Variants in PPP3CA observed in about 807,000 individuals in gnomAD.
PPP3CA encodes the protein protein phosphatase 3 catalytic subunit alpha.
Under a neutral mutation model 66.5 loss-of-function variants are expected in PPP3CA, and 14 were observed. The ratio of observed to expected loss-of-function variants is 0.21; its 90% CI spans 0.14 to 0.33. PPP3CA has a LOEUF of 0.33. Ranked by LOEUF, PPP3CA falls within the 10% of genes least tolerant of loss-of-function variation. PPP3CA has a pLI of 1.00. For missense variants in PPP3CA, 317 were observed against 639.5 expected (o/e 0.50, Z 5.44); for synonymous variants, 232 against 226.2 (o/e 1.03, Z -0.23).
chr4:101,132,733 T>A (rs192387941), intron 2 of PPP3CA, among the ~76,000 whole-genome samples: 1 of 152,100 alleles, frequency 6.6e-6, no homozygotes, highest in African/African-American at 2.4e-5. Flanking sequence ...GAGGGACTCC[T>A]CCCTATCTCA....
intron 3 of PPP3CA, among the ~76,000 whole-genome samples, chr4:101,103,595 T>C (rs1730539075): frequency 6.6e-6 from 1 of 152,232 alleles, no homozygotes; most frequent in Non-Finnish European, 1.5e-5. Flanking sequence ...CATTGTCTGG[T>C]TTGCTGTGGT....
At chr4:101,335,168 T>G (rs930807401) in intron 1 of PPP3CA, among the ~76,000 whole-genome samples, 3 of 152,164 alleles carry the variant, frequency 2.0e-5, no homozygotes, top group African/African-American at 7.2e-5. Context: ...CAACACTGTG[T>G]TGACACCATA....
intron 1 of PPP3CA, among the ~76,000 whole-genome samples, chr4:101,289,870 ATGTGTGTGTGTGTGTGTGTG>A (rs72004461): frequency 1.4e-5 from 2 of 141,832 alleles, no homozygotes; most frequent in South Asian, 2.3e-4. Flanking sequence ...ATGTCCGTGT[ATGTGTGTGTGTGTGTGTGTG>A]TGTGTGTGTG....
chr4:101,124,857 C>T (rs1488470384), intron 2 of PPP3CA, among the ~76,000 whole-genome samples: 1 of 152,108 alleles, frequency 6.6e-6, no homozygotes, highest in African/African-American at 2.4e-5. Flanking sequence ...AAAATCCCAT[C>T]ATTTACAGAG....
intron 8 of PPP3CA, among the ~76,000 whole-genome samples, chr4:101,074,869 T>C (rs1183730245): frequency 1.3e-5 from 2 of 152,234 alleles, no homozygotes; most frequent in African/African-American, 4.8e-5. Context: ...TAGTCTGTTC[T>C]CACGCTGCTA....
intron 12 of PPP3CA, among the ~76,000 whole-genome samples, chr4:101,030,493 T>A (rs1009076275): frequency 6.7e-6 from 1 of 149,536 alleles, no homozygotes; most frequent in African/African-American, 2.5e-5. Flanking sequence ...TAGTAAGTTT[T>A]CAAACCCATA....
chr4:101,153,117 G>A (rs1386660076), intron 2 of PPP3CA, among the ~76,000 whole-genome samples: 1 of 152,252 alleles, frequency 6.6e-6, no homozygotes. Context: ...CTGAGCATTC[G>A]GGGTGAAGTG....
chr4:101,058,501 G>A (rs1018126704), intron 10 of PPP3CA, among the ~76,000 whole-genome samples: 1 of 152,028 alleles, frequency 6.6e-6, no homozygotes, highest in Non-Finnish European at 1.5e-5. Context: ...CTGCAGGACT[G>A]ACTTAAAACT....
chr4:101,160,705 T>C (rs1445614502), intron 2 of PPP3CA, among the ~76,000 whole-genome samples: 2 of 152,112 alleles, frequency 1.3e-5, no homozygotes, highest in Non-Finnish European at 2.9e-5. Context: ...AATAGCTATT[T>C]CTTCTTTTTA....
At chr4:101,155,930 C>T (rs766762129) in intron 2 of PPP3CA, among the ~76,000 whole-genome samples, 3 of 152,160 alleles carry the variant, frequency 2.0e-5, no homozygotes, top group Non-Finnish European at 4.4e-5. Flanking sequence ...TCATTGAGCT[C>T]TTATCATGTG....
intron 2 of PPP3CA, among the ~76,000 whole-genome samples, chr4:101,140,116 G>A (rs1722757199): frequency 6.6e-6 from 1 of 152,042 alleles, no homozygotes; most frequent in African/African-American, 2.4e-5. Context: ...AACTATTAAT[G>A]AATAATTTAC....
At chr4:101,285,168 G>C (rs992077883) in intron 1 of PPP3CA, among the ~76,000 whole-genome samples, 2 of 151,954 alleles carry the variant, frequency 1.3e-5, no homozygotes, top group Non-Finnish European at 1.5e-5. Flanking sequence ...ACAGCACCGA[G>C]ATTTTACAGG....
At chr4:101,118,191 T>G (rs146234564) in intron 2 of PPP3CA, among the ~76,000 whole-genome samples, 19 of 152,118 alleles carry the variant, frequency 1.2e-4, no homozygotes, top group African/African-American at 3.6e-4. Flanking sequence ...ATTTTGCTTT[T>G]TCCTGGATAT....
chr4:101,030,734 A>G (rs989392668), intron 12 of PPP3CA, among the ~76,000 whole-genome samples: 10 of 152,176 alleles, frequency 6.6e-5, no homozygotes, highest in African/African-American at 2.4e-4. Flanking sequence ...TATTAGAACT[A>G]TGTACTGCCC....
At chr4:101,122,453 C>T (rs1506801) in intron 2 of PPP3CA, among the ~76,000 whole-genome samples, 57,480 of 152,010 alleles carry the variant, frequency 0.38, 11,430 homozygotes, top group South Asian at 0.48. Flanking sequence ...ACAGATGTGA[C>T]ACAGGGTAGA....
chr4:101,055,726 G>GA (rs1265042045), intron 10 of PPP3CA, among the ~76,000 whole-genome samples: 1 of 151,966 alleles, frequency 6.6e-6, no homozygotes, highest in Non-Finnish European at 1.5e-5. Flanking sequence ...TTTACAAGAT[G>GA]AAACACATTT....
chr4:101,146,599 C>T (rs767416737), intron 2 of PPP3CA, among the ~76,000 whole-genome samples: 23 of 152,044 alleles, frequency 1.5e-4, no homozygotes, highest in South Asian at 2.1e-4. Flanking sequence ...CGCACCACCA[C>T]GCCAGGCTAA....
chr4:101,177,097 T>C (rs1050994582), intron 2 of PPP3CA, among the ~76,000 whole-genome samples: 3 of 152,124 alleles, frequency 2.0e-5, no homozygotes, highest in Admixed American at 6.5e-5. Flanking sequence ...ACGACAGAAA[T>C]CATTCTGGAT....
At position 101,109,674 on chromosome 4, in the gene PPP3CA, A is replaced by C. The variant is rs978356249; in HGVS notation, c.260-596T>G. The stretch of plus-strand genomic sequence containing the variant: ...ACTAAGGCAAAAAAAAAAAAAAAAA[A>C]CTCCAATTAAACTTAAATTATAAAG... On this transcript the variant is annotated intron_variant, in intron 2 of 13. Coordinates refer to ENST00000394854, the MANE Select transcript of PPP3CA (RefSeq NM_000944.5). Among the ~76,000 whole-genome samples, 79 of 145,326 alleles carry C rather than the reference A, an allele frequency of 5.4e-4. No homozygotes were observed. In the East Asian group the frequency reaches 0.011, roughly 21 times the overall value.
Sources: gnomAD v4.1 joint callset for allele counts (sites outside exome capture counted in the v4.1 genomes callset) on GRCh38, gnomAD v4.1.1 for gene constraint, MANE v1.5 for transcripts, NCBI Gene and HGNC (gene_info 2026-07-23, HGNC 2026-07-21) for gene names.